RNF220: variants seen among roughly 807,000 people sequenced by gnomAD.
RNF220 encodes the protein ring finger protein 220, also known as E3 ubiquitin-protein ligase RNF220.
A neutral mutation model predicts 67.1 loss-of-function variants in RNF220; 7 were observed. The observed-to-expected ratio is 0.10, with a 90% CI of 0.06 to 0.20. The LOEUF (loss-of-function observed/expected upper bound fraction) is 0.20, where lower values mean the gene tolerates loss of function less well. Ranked by LOEUF, RNF220 falls within the 10% of genes least tolerant of loss-of-function variation. RNF220 has a pLI of 1.00. For missense variants in RNF220, 565 were observed against 740.3 expected (o/e 0.76, Z 2.75); for synonymous variants, 270 against 283.2 (o/e 0.95, Z 0.47).
chr1:44,471,080 G>T lies in RNF220; in HGVS notation c.625+58358G>T, dbSNP rs146628475. Reference sequence around the variant, plus strand: ...CACTCCATCCTGTGTGACAGAGTGAGACCCTATCTCAAAAAAAAAGATAAA... The same window carrying T: ...CACTCCATCCTGTGTGACAGAGTGATACCCTATCTCAAAAAAAAAGATAAA... On this transcript the variant is annotated intron_variant, in intron 2 of 14. Transcript: ENST00000361799. 4.0e-3 allele frequency among the ~76,000 whole-genome samples: 608 copies of T among 152,208 alleles called. 5 individuals are homozygous for T. The highest frequency in any genetic ancestry group is 0.014 in the African/African-American group (589 of 41,518).
intron 2 of RNF220, among the ~76,000 whole-genome samples, chr1:44,444,085 C>T (rs980641911): frequency 2.6e-5 from 4 of 151,996 alleles, no homozygotes; most frequent in Admixed American, 1.3e-4. Flanking sequence ...AGCAAGACTC[C>T]GTCTCAAAAA....
chr1:44,556,558 T>C (rs1408436795), intron 2 of RNF220, among the ~76,000 whole-genome samples: 1 of 148,026 alleles, frequency 6.8e-6, no homozygotes, highest in African/African-American at 2.6e-5. Flanking sequence ...TCCTGTCTGC[T>C]CTTCCTGTTC....
chr1:44,648,338 C>A (rs894332754), intron 12 of RNF220: 3 of 152,188 alleles, frequency 2.0e-5, no homozygotes, highest in Admixed American at 6.5e-5. Context: ...AATTATCAAT[C>A]CCTCAGTACA....
At chr1:44,642,962 A>AG (rs1408157314) in intron 8 of RNF220, among the ~76,000 whole-genome samples, 1 of 152,130 alleles carries the variant, frequency 6.6e-6, no homozygotes, top group Admixed American at 6.5e-5. Context: ...GGGTTTATGG[A>AG]GGTGCCACTC....
At chr1:44,499,887 C>G (rs1657677640) in intron 2 of RNF220, among the ~76,000 whole-genome samples, 2 of 148,028 alleles carry the variant, frequency 1.4e-5, no homozygotes, top group African/African-American at 5.3e-5. Flanking sequence ...CTCCAGTCTT[C>G]CAGTTGGATC....
intron 2 of RNF220, among the ~76,000 whole-genome samples, chr1:44,434,881 G>C (rs1261408646): frequency 1.3e-5 from 2 of 151,434 alleles, no homozygotes; most frequent in Non-Finnish European, 1.5e-5. Flanking sequence ...TTAAAAATTA[G>C]CCGGATGTGG....
rs12038945 is a variant in RNF220 at position 44,556,776 on chromosome 1, G to T, written c.626-57389G>T. Among the ~76,000 whole-genome samples the T allele has an allele frequency of 7.2e-3, 1,101 of 152,084 alleles. 76 individuals are homozygous for T. In the East Asian group the frequency reaches 0.16, roughly 23 times the overall value. Reference sequence around the variant, plus strand: ...GGGTTTCACTGTGTTAGCCAGGATGGTCTCAATCTCCTGACCTTGTGATCC... The same window carrying T: ...GGGTTTCACTGTGTTAGCCAGGATGTTCTCAATCTCCTGACCTTGTGATCC... On this transcript the variant is annotated intron_variant, in intron 2 of 14. Coordinates refer to ENST00000361799, the MANE Select transcript of RNF220 (RefSeq NM_018150.4).
chr1:44,545,597 G>C (rs1662065359), intron 2 of RNF220: 1 of 154,580 alleles, frequency 6.5e-6, no homozygotes, highest in Admixed American at 6.5e-5. Flanking sequence ...GAGGGTGCAA[G>C]GGCAACAGTG....
At chr1:44,545,161 G>A (rs1284931748) in intron 2 of RNF220, among the ~76,000 whole-genome samples, 1 of 152,212 alleles carries the variant, frequency 6.6e-6, no homozygotes, top group Non-Finnish European at 1.5e-5. Flanking sequence ...TGCTCTTCCT[G>A]TTGGATTCAA....
At chr1:44,538,946 C>T (rs929084287) in intron 2 of RNF220, among the ~76,000 whole-genome samples, 5 of 141,154 alleles carry the variant, frequency 3.5e-5, no homozygotes, top group African/African-American at 1.3e-4. Context: ...AAAGGCTGGG[C>T]GCGGTGGATC....
At chr1:44,553,747 G>T (rs1662854701) in intron 2 of RNF220, among the ~76,000 whole-genome samples, 1 of 152,190 alleles carries the variant, frequency 6.6e-6, no homozygotes, top group Non-Finnish European at 1.5e-5. Context: ...CAGTGTTCTA[G>T]CAAGAAACAG....
At chr1:44,561,468 C>T (rs1663568318) in intron 2 of RNF220, among the ~76,000 whole-genome samples, 1 of 152,142 alleles carries the variant, frequency 6.6e-6, no homozygotes, top group African/African-American at 2.4e-5. Flanking sequence ...CAGATCGCGC[C>T]ACTGCACTCC....
At chr1:44,431,815 T>C (rs561309623) in intron 2 of RNF220, among the ~76,000 whole-genome samples, 45 of 152,314 alleles carry the variant, frequency 3.0e-4, no homozygotes, top group Non-Finnish European at 1.0e-4. Context: ...TGGCTCAATA[T>C]GATATGTGCT....
chr1:44,513,558 C>T (rs1572731885), intron 2 of RNF220, among the ~76,000 whole-genome samples: 1 of 152,076 alleles, frequency 6.6e-6, no homozygotes, highest in African/African-American at 2.4e-5. Flanking sequence ...GCCTGTGAGG[C>T]GAGGGCCTTC....
Position 44,649,565 on chromosome 1 carries a change from T to G in RNF220, c.1446-96T>G. On this transcript the variant is annotated intron_variant, in intron 12 of 14. Transcript: ENST00000361799. This position sits in a 1 kb window ranked among gnomAD's most constrained non-coding sequence, Gnocchi z 5.9. The stretch of plus-strand genomic sequence containing the variant: ...GGCAGGCAGGGATGCCTAGGGGACA[T>G]TTATGTATTTGGTTCTGGAATTCAA... 8.9e-7 allele frequency: 1 copy of G among 1,121,402 alleles called. No homozygotes were observed. Among genetic ancestry groups the G allele is most frequent in the Non-Finnish European group, 1.3e-6 (1 of 745,046 alleles). The allele number at this position is 1,121,402 out of a possible 1,614,324, so 69.5% of individuals were successfully genotyped here. A position where few individuals can be genotyped will look rare whatever the true frequency, so the allele number is the denominator to read the frequency against.
intron 5 of RNF220, among the ~76,000 whole-genome samples, chr1:44,630,499 C>A (rs1022355189): frequency 6.6e-6 from 1 of 152,224 alleles, no homozygotes; most frequent in Admixed American, 6.5e-5. Context: ...TTCTCCCGTT[C>A]CCACTGGTGT....
intron 2 of RNF220, among the ~76,000 whole-genome samples, chr1:44,488,727 C>CTTTTTTTTTTTTT (rs55968850): frequency 3.0e-3 from 310 of 102,516 alleles, no homozygotes; most frequent in Middle Eastern, 6.7e-3. Flanking sequence ...TTTCTTTTTT[C>CTTTTTTTTTTTTT]TTTTTTTTTT....
intron 2 of RNF220, among the ~76,000 whole-genome samples, chr1:44,558,737 T>G (rs1221818138): frequency 6.6e-6 from 1 of 152,186 alleles, no homozygotes; most frequent in Non-Finnish European, 1.5e-5. Flanking sequence ...CCAAAGCCTG[T>G]GTTTTTTGCC....
intron 6 of RNF220, chr1:44,632,995 C>T (rs1221599248): frequency 6.5e-6 from 1 of 153,278 alleles, no homozygotes; most frequent in Non-Finnish European, 1.5e-5. Context: ...ACCTCTGGAG[C>T]ATTCCTGTTT....
Sources: gnomAD v4.1 joint callset for allele counts (sites outside exome capture counted in the v4.1 genomes callset) on GRCh38, gnomAD v4.1.1 for gene constraint, Gnocchi (gnomAD v3.1) non-coding constraint, MANE v1.5 for transcripts, NCBI Gene and HGNC (gene_info 2026-07-23, HGNC 2026-07-21) for gene names.